Variants in ZNF654 observed in about 807,000 individuals in gnomAD.
ZNF654 encodes the protein zinc finger protein 654.
In ZNF654, 19 loss-of-function variants were observed where a neutral mutation model predicts 95.3. The ratio of observed to expected loss-of-function variants is 0.20; its 90% confidence interval spans 0.14 to 0.29. ZNF654 has a LOEUF of 0.29. Ranked by LOEUF, ZNF654 falls within the 10% of genes least tolerant of loss-of-function variation. ZNF654 has a pLI of 1.00. For missense variants in ZNF654, 1,046 were observed against 1,341.0 expected (o/e 0.78, Z 3.44); for synonymous variants, 413 against 457.9 (o/e 0.90, Z 1.25).
chr3:88,099,570 A>G (rs1704279515), intron 2 of ZNF654, among the ~76,000 whole-genome samples: 1 of 152,156 alleles, frequency 6.6e-6, no homozygotes. Context: ...ACCTACTTCA[A>G]ACTATACTAC....
intron 2 of ZNF654, among the ~76,000 whole-genome samples, chr3:88,096,663 A>G (rs534666384): frequency 6.6e-6 from 1 of 152,244 alleles, no homozygotes; most frequent in East Asian, 1.9e-4. Flanking sequence ...TTCCATGTAT[A>G]TAATGTACCC....
intron 1 of ZNF654, among the ~76,000 whole-genome samples, chr3:88,082,372 G>A (rs565187859): frequency 2.6e-5 from 4 of 152,290 alleles, no homozygotes; most frequent in African/African-American, 7.2e-5. Context: ...TGATCTGCCC[G>A]CCTTGGCCTC....
At chr3:88,123,960 C>T (rs929069291) in intron 3 of ZNF654, among the ~76,000 whole-genome samples, 1 of 152,042 alleles carries the variant, frequency 6.6e-6, no homozygotes, top group African/African-American at 2.4e-5. Context: ...GAAGCTGTTC[C>T]CAAGAATCAT....
intron 1 of ZNF654, among the ~76,000 whole-genome samples, chr3:88,063,229 G>A (rs957686427): frequency 5.3e-5 from 8 of 152,084 alleles, no homozygotes; most frequent in Admixed American, 2.6e-4. Context: ...TATCTGGTCC[G>A]GAATATCAGT....
Position 88,129,706 on chromosome 3 carries a change from G to T in ZNF654, c.773G>T (p.Cys258Phe). 2 of 1,500,322 alleles carry T rather than the reference G, an allele frequency of 1.3e-6. No individual in the cohort carries two copies. Among genetic ancestry groups the T allele is most frequent in the East Asian group, 2.5e-5 (1 of 40,532 alleles). The allele number at this position is 1,500,322 out of a possible 1,614,324, so 92.9% of individuals were successfully genotyped here. The change falls in exon 6 of 9, where the codon TGT becomes TTT. Residue 258 changes from cysteine to phenylalanine, a missense_variant. Physicochemically the swap from Cys to Phe is radical, Grantham distance 205. Around this residue, in one of 9 missense-constraint regions of ZNF654, gnomAD observed 121 missense variants for 141.7 expected, o/e 0.85. Transcript: ENST00000636215. ...LFREHLLKTD[C>F]KSGIDIICNA... The stretch of plus-strand genomic sequence containing the variant: ...TTACAGCATTTATTGAAAACTGATT[G>T]TAAGAGTGGAATTGATATCATCTGT...
chr3:88,109,113 A>G (rs1421660691), intron 2 of ZNF654, among the ~76,000 whole-genome samples: 2 of 147,408 alleles, frequency 1.4e-5, no homozygotes, highest in African/African-American at 4.9e-5. Context: ...GGGGTCTGGT[A>G]ATGTATCCCC....
chr3:88,082,638 T>G (rs1262225384), intron 1 of ZNF654, among the ~76,000 whole-genome samples: 1 of 152,186 alleles, frequency 6.6e-6, no homozygotes, highest in African/African-American at 2.4e-5. Context: ...ATTGATCTAG[T>G]CTGTTAATAG....
intron 2 of ZNF654, among the ~76,000 whole-genome samples, chr3:88,091,122 G>T (rs956009837): frequency 6.6e-6 from 1 of 152,150 alleles, no homozygotes; most frequent in Non-Finnish European, 1.5e-5. Flanking sequence ...CTTTGTGTAT[G>T]TACATTAAGT....
intron 1 of ZNF654, 133 bp downstream of exon 1, chr3:88,059,638 C>A: frequency 7.5e-7 from 1 of 1,331,332 alleles, no homozygotes; most frequent in Non-Finnish European, 9.7e-7. Context: ...GAGGCTGAAG[C>A]TCCCTCCTCC....
chr3:88,094,964 T>A (rs1424492851), intron 2 of ZNF654, among the ~76,000 whole-genome samples: 1 of 152,264 alleles, frequency 6.6e-6, no homozygotes, highest in Admixed American at 6.5e-5. Flanking sequence ...AGAAAACTTA[T>A]GAGAAATTAT....
intron 3 of ZNF654, among the ~76,000 whole-genome samples, chr3:88,123,602 T>A (rs1705912214): frequency 6.6e-6 from 1 of 152,148 alleles, no homozygotes; most frequent in Non-Finnish European, 1.5e-5. Flanking sequence ...ATCTGTTTTT[T>A]AAAAAGAGCT....
intron 6 of ZNF654, 123 bp from the exon 7 acceptor site, chr3:88,134,938 C>T (rs558901827): frequency 3.5e-5 from 20 of 572,586 alleles, no homozygotes; most frequent in Non-Finnish European, 5.0e-5. Context: ...TGGGGGTGAA[C>T]GTAATACATA....
intron 2 of ZNF654, among the ~76,000 whole-genome samples, chr3:88,108,476 C>A (rs1419512797): frequency 3.9e-5 from 6 of 152,006 alleles, no homozygotes; most frequent in Non-Finnish European, 7.4e-5. Context: ...GGTTTGTTAC[C>A]CATAGTCAAC....
intron 6 of ZNF654, among the ~76,000 whole-genome samples, chr3:88,130,570 C>T (rs1427402225): frequency 1.3e-5 from 2 of 151,814 alleles, no homozygotes; most frequent in African/African-American, 4.8e-5. Flanking sequence ...CCCGCCTCAG[C>T]CTCCTCAGTA....
intron 1 of ZNF654, among the ~76,000 whole-genome samples, chr3:88,085,598 A>G (rs370537975): frequency 5.3e-5 from 8 of 152,340 alleles, no homozygotes; most frequent in African/African-American, 1.9e-4. Flanking sequence ...TGTTTCTAAA[A>G]TGTTTTCTCA....
At chr3:88,099,059 A>G (rs1267101268) in intron 2 of ZNF654, among the ~76,000 whole-genome samples, 1 of 152,236 alleles carries the variant, frequency 6.6e-6, no homozygotes, top group Non-Finnish European at 1.5e-5. Flanking sequence ...CTGTTTGCAG[A>G]TGACATGATT....
chr3:88,129,667 T>A lies in ZNF654; in HGVS notation c.754-20T>A. On this transcript the variant is annotated intron_variant, in intron 5 of 8. Transcript: ENST00000636215. ...AGATATTTTTAATTATATGAACTGA[T>A]TTCTCTTTTCCTCTTACAGCATTTA... The A allele has an allele frequency of 7.2e-7, 1 of 1,383,304 alleles. No homozygotes were observed. Among genetic ancestry groups the A allele is most frequent in the Non-Finnish European group, 9.5e-7 (1 of 1,056,308 alleles). The allele number at this position is 1,383,304 out of a possible 1,614,324, so 85.7% of individuals were successfully genotyped here.
intron 3 of ZNF654, among the ~76,000 whole-genome samples, chr3:88,116,199 C>T (rs532724651): frequency 2.6e-5 from 4 of 152,148 alleles, no homozygotes; most frequent in African/African-American, 9.6e-5. Flanking sequence ...GACAGAAATC[C>T]TGAGTGACTT....
chr3:88,088,814 C>T (rs1469824601), intron 2 of ZNF654, among the ~76,000 whole-genome samples: 1 of 151,586 alleles, frequency 6.6e-6, no homozygotes, highest in Non-Finnish European at 1.5e-5. Flanking sequence ...GCTCTGTCGC[C>T]TAGGTTGGAG....
Sources: allele counts gnomAD v4.1 joint callset (sites outside exome capture counted in the v4.1 genomes callset), GRCh38; gene constraint gnomAD v4.1.1; regional missense constraint gnomAD v4.1.1; transcripts MANE v1.5; gene names NCBI Gene and HGNC (gene_info 2026-07-23, HGNC 2026-07-21).